Variants in USP48 observed in about 807,000 individuals in gnomAD.
The protein encoded by USP48 is ubiquitin specific peptidase 48.
A neutral mutation model predicts 150.7 loss-of-function variants in USP48; 43 were observed. The ratio of observed to expected loss-of-function variants is 0.29; its 90% CI spans 0.22 to 0.37. The LOEUF is 0.37. USP48 is among the 10% of genes least tolerant of loss of function. The probability of loss-of-function intolerance (pLI) is 1.00; values close to 1 mark genes in which losing one functional copy is unlikely to be tolerated. For missense variants in USP48, 813 were observed against 1,249.6 expected, an observed-to-expected ratio of 0.65 and a Z score of 5.27; for synonymous variants, 396 against 425.9, an observed-to-expected ratio of 0.93 and a Z score of 0.86.
At chr1:21,782,417 A>C (rs1252963831) in intron 1 of USP48, among the ~76,000 whole-genome samples, 1 of 152,178 alleles carries the variant, frequency 6.6e-6, no homozygotes, top group Non-Finnish European at 1.5e-5. Flanking sequence ...TACAAAAATA[A>C]TACTAAGATG....
rs776242112 is a variant in USP48 at position 21,736,510 on chromosome 1, A to G, written c.1107T>C (p.Phe369=). ...KDPQSGEWYK[F]NDEDIEKMEG... Reference sequence around the variant, plus strand: ...CCATCTTTTCTATGTCTTCATCATTAAACTTATACCATTCACCAGACTGTG... The same window carrying G: ...CCATCTTTTCTATGTCTTCATCATTGAACTTATACCATTCACCAGACTGTG... The change falls in exon 9 of 27, where the codon TTT becomes TTC. Residue 369 remains phenylalanine (F), a synonymous_variant. Transcript: ENST00000308271. 1.9e-6 allele frequency: 3 copies of G among 1,607,400 alleles called. No individual in the cohort carries two copies. The highest frequency in any genetic ancestry group is 2.5e-6 in the Non-Finnish European group (3 of 1,178,026).
chr1:21,776,010 G>C (rs188954904), intron 1 of USP48, among the ~76,000 whole-genome samples: 2 of 152,296 alleles, frequency 1.3e-5, no homozygotes, highest in African/African-American at 4.8e-5. Flanking sequence ...CATTATGTTG[G>C]TGAGGGTATG....
At chr1:21,690,586 C>T (rs992393739) in intron 23 of USP48, among the ~76,000 whole-genome samples, 4 of 151,878 alleles carry the variant, frequency 2.6e-5, no homozygotes, top group African/African-American at 7.3e-5. Flanking sequence ...TGCAGTGGCG[C>T]GATCATGGCT....
chr1:21,734,776 T>C (rs77190148), intron 9 of USP48, among the ~76,000 whole-genome samples: 3,108 of 152,310 alleles, frequency 0.02, 41 homozygotes, highest in Middle Eastern at 0.048. Flanking sequence ...CCTTGGACAA[T>C]TGCCTATACC....
At chr1:21,713,086 C>G (rs533129094) in intron 15 of USP48, among the ~76,000 whole-genome samples, 1 of 144,624 alleles carries the variant, frequency 6.9e-6, no homozygotes, top group Non-Finnish European at 1.5e-5. Flanking sequence ...CTTTCTTTCT[C>G]TTTCTCACTC....
chr1:21,725,015 G>A (rs2097732530), intron 11 of USP48: 1 of 152,200 alleles, frequency 6.6e-6, no homozygotes, highest in Non-Finnish European at 1.5e-5. Flanking sequence ...CTGAGGGACA[G>A]ATACTTCAAC....
chr1:21,703,766 G>A, intron 20 of USP48, 148 bp from the exon 21 acceptor site: 5 of 669,914 alleles, frequency 7.5e-6, no homozygotes, highest in Non-Finnish European at 1.3e-5. Flanking sequence ...AGGTTTTGCT[G>A]TGTCACCCAG....
chr1:21,771,230 C>T (rs968843576), intron 1 of USP48, among the ~76,000 whole-genome samples: 3 of 151,466 alleles, frequency 2.0e-5, no homozygotes, highest in Non-Finnish European at 4.4e-5. Flanking sequence ...AAAAAGTAGC[C>T]GGGAGTGGTG....
rs1365769468 is a variant in USP48 at position 21,679,383 on chromosome 1, G to C, written c.*34C>G. ...ACATGTCAAACTCCTCTTCCCCTCT[G>C]GTCATTTCTTAGCAGTCAGCAAGTA... On this transcript the variant is annotated 3_prime_UTR_variant, in exon 27 of 27. Transcript: ENST00000308271. 4.3e-6 allele frequency: 7 copies of C among 1,613,700 alleles called. No individual in the cohort carries two copies. The highest frequency in any genetic ancestry group is 5.1e-6 in the Non-Finnish European group (6 of 1,179,708).
chr1:21,739,488 C>T (rs1345068916), intron 8 of USP48, among the ~76,000 whole-genome samples: 1 of 141,360 alleles, frequency 7.1e-6, no homozygotes, highest in South Asian at 2.2e-4. Flanking sequence ...CATTGCACTC[C>T]GGCCTGGAAA....
intron 14 of USP48, among the ~76,000 whole-genome samples, chr1:21,719,480 TG>T (rs572093315): frequency 3.0e-4 from 46 of 152,246 alleles, no homozygotes; most frequent in African/African-American, 1.1e-3. Context: ...CGAGGCTCAG[TG>T]GCTCACACCT....
Position 21,705,847 on chromosome 1 carries a change from T to G in USP48, c.2274-10A>C, listed in dbSNP as rs771192507. ...GCATCTTGTAGGCTTTCTACTCAAA[T>G]GAGACAAGGAGGAGAAATATACCTA... On this transcript the variant is annotated splice_polypyrimidine_tract_variant and intron_variant, in intron 18 of 26. Coordinates refer to ENST00000308271, the MANE Select transcript of USP48 (RefSeq NM_032236.8). 3.2e-6 allele frequency: 5 copies of G among 1,581,854 alleles called. No individual in the cohort carries two copies. Among genetic ancestry groups the G allele is most frequent in the Non-Finnish European group, 4.3e-6 (5 of 1,167,752 alleles).
rs1233812595 is a variant in USP48 at position 21,753,105 on chromosome 1, T to C, written c.427A>G (p.Thr143Ala). ...AAGTACTGGAGATGCTCACAAATTGTTTGAGGCTCATAATCTATTAAAACA... is the reference window on the plus strand; with the variant it reads ...AAGTACTGGAGATGCTCACAAATTGCTTGAGGCTCATAATCTATTAAAACA... ...IQEEKDYEPQ[T>A]ICEHLQYLFA... The change falls in exon 4 of 27, where the codon ACA (threonine) becomes GCA (alanine). Residue 143 changes from threonine to alanine, a missense_variant. Thr to Ala is a moderately conservative substitution (Grantham distance 58). Transcript: ENST00000308271. 1 of 1,606,254 alleles carries C rather than the reference T, an allele frequency of 6.2e-7. No individual in the cohort carries two copies. The highest frequency in any genetic ancestry group is 1.7e-5 in the Admixed American group (1 of 57,606).
intron 26 of USP48, among the ~76,000 whole-genome samples, chr1:21,680,289 T>C (rs575610729): frequency 6.6e-6 from 1 of 152,326 alleles, no homozygotes; most frequent in Admixed American, 6.5e-5. Context: ...ATATTATCGG[T>C]GTGCACAACT....
At chr1:21,717,917 C>T (rs1219345384) in intron 14 of USP48, among the ~76,000 whole-genome samples, 1 of 152,172 alleles carries the variant, frequency 6.6e-6, no homozygotes, top group African/African-American at 2.4e-5. Flanking sequence ...GACTGGGCAA[C>T]AGAGGGAGAC....
At chr1:21,728,400 G>A in intron 11 of USP48, 170 bp downstream of exon 11, 1 of 1,384,620 alleles carries the variant, frequency 7.2e-7, no homozygotes, top group Non-Finnish European at 9.3e-7. Context: ...AATATGGAAT[G>A]CTACACATCA....
intron 23 of USP48, among the ~76,000 whole-genome samples, chr1:21,692,606 T>C (rs550571301): frequency 1.3e-5 from 2 of 152,288 alleles, no homozygotes; most frequent in South Asian, 4.1e-4. Context: ...TGTCAACAAC[T>C]AATGAAGCAT....
chr1:21,743,770 T>A (rs2097787435), intron 8 of USP48, among the ~76,000 whole-genome samples: 1 of 152,206 alleles, frequency 6.6e-6, no homozygotes, highest in Non-Finnish European at 1.5e-5. Flanking sequence ...ACATAATTCA[T>A]AATTCACTAA....
At chr1:21,711,717 A>G (rs2097690669) in intron 15 of USP48, among the ~76,000 whole-genome samples, 1 of 152,188 alleles carries the variant, frequency 6.6e-6, no homozygotes, top group Admixed American at 6.5e-5. Flanking sequence ...TCAGTCACCA[A>G]GCCCCTCCAA....
Sources: gnomAD v4.1 joint callset for allele counts (sites outside exome capture counted in the v4.1 genomes callset) on GRCh38, gnomAD v4.1.1 for gene constraint, MANE v1.5 for transcripts, NCBI Gene and HGNC (gene_info 2026-07-23, HGNC 2026-07-21) for gene names.